Variants in LRP2 observed in about 807,000 individuals in gnomAD.
LRP2 encodes LDL receptor related protein 2, also known as low-density lipoprotein receptor-related protein 2.
In LRP2, 172 loss-of-function variants were observed where a neutral mutation model predicts 531.0. That is an observed-to-expected ratio of 0.32 (90% CI 0.29 to 0.37). The LOEUF is 0.37. LRP2 is among the 10% of genes least tolerant of loss of function. LRP2 has a pLI of 1.00. For missense variants in LRP2, 5,167 were observed against 5,868.3 expected, an observed-to-expected ratio of 0.88 and a Z score of 3.90; for synonymous variants, 1,992 against 2,027.6, an observed-to-expected ratio of 0.98 and a Z score of 0.47.
At chr2:169,158,061 TACACACACACACACACACAC>T (rs61381788) in intron 63 of LRP2, among the ~76,000 whole-genome samples, 1 of 141,392 alleles carries the variant, frequency 7.1e-6, no homozygotes, top group Non-Finnish European at 1.5e-5. Context: ...ATTGATTATA[TACACACACACACACACACAC>T]ACACACACAC....
chr2:169,246,815 C>A lies in LRP2; in HGVS notation c.3080G>T (p.Gly1027Val), dbSNP rs1262078845. Residue 1027 changes from glycine (G) to valine (V), a missense_variant, in exon 21 of 79, where the codon GGC becomes GTC. Physicochemically the swap from Gly to Val is moderately radical, Grantham distance 109. This residue lies in a region of LRP2 where 2,811 missense variants were observed against 3,058.0 expected (regional missense o/e 0.92). Transcript: ENST00000649046. Reference protein sequence around the residue: ...PTNEPPTEQCGLFSFPCKNGR... With the variant: ...PTNEPPTEQCVLFSFPCKNGR... Reference sequence around the variant, plus strand: ...ATTTTTACAGGGGAAGGAAAATAAGCCACACTGCTCTGTGGGTGGTTCATT... The same window carrying A: ...ATTTTTACAGGGGAAGGAAAATAAGACACACTGCTCTGTGGGTGGTTCATT... 4.4e-5 allele frequency: 71 copies of A among 1,614,014 alleles called. No individual in the cohort carries two copies. The highest frequency in any genetic ancestry group is 5.9e-5 in the Non-Finnish European group (70 of 1,180,038).
chr2:169,130,485 A>T (rs1338835744), intron 77 of LRP2, among the ~76,000 whole-genome samples: 2 of 152,068 alleles, frequency 1.3e-5, no homozygotes, highest in Non-Finnish European at 2.9e-5. Flanking sequence ...ATGGGGTTTC[A>T]CTATGTTGGC....
At chr2:169,238,049 A>C (rs773217914) in intron 27 of LRP2, 42 bp downstream of exon 27, 2 of 1,552,736 alleles carry the variant, frequency 1.3e-6, no homozygotes, top group Non-Finnish European at 1.8e-6. Context: ...GACCCAAGAC[A>C]GAGGAACTAG....
In LRP2 at chr2:169,142,561, C is replaced by T. The variant is rs1574067217; in HGVS notation, c.13108+113G>A. On this transcript the variant is annotated intron_variant, in intron 71 of 78. Transcript: ENST00000649046. ...CCTCCCACATCCCTTAACCCTCCTT[C>T]CAGCCATCCCCACTCTGCTGCAAAG... The T allele has an allele frequency of 4.0e-6, 6 of 1,491,346 alleles. No homozygotes were observed. In the East Asian group the frequency reaches 1.2e-4, roughly 29 times the overall value. The allele number at this position is 1,491,346 out of a possible 1,614,324, so 92.4% of individuals were successfully genotyped here.
chr2:169,348,625 A>T (rs1685759654), intron 1 of LRP2, among the ~76,000 whole-genome samples: 1 of 152,136 alleles, frequency 6.6e-6, no homozygotes, highest in African/African-American at 2.4e-5. Flanking sequence ...AAGTCTAAAA[A>T]CTTTGGCTTA....
chr2:169,134,162 T>A (rs1237462306), intron 76 of LRP2, among the ~76,000 whole-genome samples: 1 of 151,880 alleles, frequency 6.6e-6, no homozygotes, highest in African/African-American at 2.4e-5. Flanking sequence ...TTGACCTTAC[T>A]GTTTTAGCCT....
chr2:169,234,651 T>C (rs754107714), intron 29 of LRP2, among the ~76,000 whole-genome samples: 3 of 152,176 alleles, frequency 2.0e-5, no homozygotes, highest in Non-Finnish European at 4.4e-5. Context: ...GTAATGGGAT[T>C]GCTGGGTCAA....
chr2:169,263,597 C>T (rs1298854813), intron 16 of LRP2, among the ~76,000 whole-genome samples: 4 of 148,858 alleles, frequency 2.7e-5, no homozygotes, highest in Admixed American at 2.0e-4. Context: ...CAGGAAACAA[C>T]AGGTGCTGGA....
At chr2:169,231,119 C>G (rs936416480) in intron 31 of LRP2, among the ~76,000 whole-genome samples, 14 of 152,140 alleles carry the variant, frequency 9.2e-5, no homozygotes, top group African/African-American at 3.4e-4. Context: ...CATGGCAAAA[C>G]CCGGTCTCTA....
Position 169,290,669 on chromosome 2 carries a change from A to C in LRP2, c.922+176T>G, listed in dbSNP as rs558089610. On this transcript the variant is annotated intron_variant, in intron 8 of 78. Coordinates refer to ENST00000649046, the MANE Select transcript of LRP2 (RefSeq NM_004525.3). Reference sequence around the variant, plus strand: ...GAGTGAGCTGATACAGGCCAGAGGAACTACCTAGCCAACCCACAGAACTGT... The same window carrying C: ...GAGTGAGCTGATACAGGCCAGAGGACCTACCTAGCCAACCCACAGAACTGT... 4.6e-5 allele frequency among the ~76,000 whole-genome samples: 7 copies of C among 152,300 alleles called. No homozygotes were observed. In the East Asian group the frequency reaches 1.4e-3, roughly 29 times the overall value.
At chr2:169,293,979 G>A (rs1684070549) in intron 6 of LRP2, among the ~76,000 whole-genome samples, 169 bp downstream of exon 6, 1 of 152,048 alleles carries the variant, frequency 6.6e-6, no homozygotes. Context: ...AAAGGCTTGT[G>A]CCAAGACCCC....
intron 48 of LRP2, among the ~76,000 whole-genome samples, chr2:169,189,343 A>C (rs1687751025): frequency 1.3e-5 from 2 of 152,226 alleles, no homozygotes; most frequent in Admixed American, 6.5e-5. Flanking sequence ...CATGATTTAC[A>C]GCAAAATGTG....
intron 9 of LRP2, 45 bp downstream of exon 9, chr2:169,288,981 T>C (rs774760962): frequency 6.2e-7 from 1 of 1,611,858 alleles, no homozygotes. Flanking sequence ...CACCCATCAG[T>C]GTACTGTAAT....
chr2:169,322,001 C>CA (rs1481085738), intron 1 of LRP2, among the ~76,000 whole-genome samples: 1 of 152,192 alleles, frequency 6.6e-6, no homozygotes, highest in African/African-American at 2.4e-5. Flanking sequence ...CAGCCACTAC[C>CA]AGCCCCACTT....
chr2:169,244,031 C>T (rs567858029), intron 22 of LRP2, among the ~76,000 whole-genome samples: 20 of 152,324 alleles, frequency 1.3e-4, no homozygotes, highest in Admixed American at 1.2e-3. Context: ...TGGCTGGCCC[C>T]ACCCACAACA....
Position 169,157,437 on chromosome 2 carries a change from C to T in LRP2, c.11953G>A (p.Gly3985Arg). The T allele has an allele frequency of 6.2e-7, 1 of 1,608,272 alleles. No homozygotes were observed. The highest frequency in any genetic ancestry group is 8.5e-7 in the Non-Finnish European group (1 of 1,175,402). Residue 3985 changes from glycine (G) to arginine (R), a missense_variant, in exon 64 of 79, where the codon GGA becomes AGA. Gly to Arg is a moderately radical substitution (Grantham distance 125). Coordinates refer to ENST00000649046, the MANE Select transcript of LRP2 (RefSeq NM_004525.3). ...GCTGTACAGGAGCAGATAAATCCTC[C>T]TTCATTTAATTGGGTACAATTTTGC... Reference protein sequence around the residue: ...CEQNCTQLNEGGFICSCTAGF... With the variant: ...CEQNCTQLNERGFICSCTAGF...
intron 3 of LRP2, among the ~76,000 whole-genome samples, chr2:169,310,459 C>A: frequency 6.6e-6 from 1 of 152,158 alleles, no homozygotes; most frequent in East Asian, 1.9e-4. Flanking sequence ...TTGAGATAAT[C>A]ATGTGGTTTT....
chr2:169,247,818 G>T (rs767504466), intron 19 of LRP2, among the ~76,000 whole-genome samples: 1 of 152,096 alleles, frequency 6.6e-6, no homozygotes, highest in Non-Finnish European at 1.5e-5. Flanking sequence ...TAAGAATTGG[G>T]GAATTCTTCT....
At position 169,186,113 on chromosome 2, in the gene LRP2, ATTC is replaced by A. The variant is rs1356106266; in HGVS notation, c.9329-97_9329-95del. The A allele has an allele frequency of 4.8e-5, 51 of 1,064,728 alleles. 1 individual carries two copies. In the Admixed American group the frequency reaches 7.7e-4, roughly 16 times the overall value. 66.0% of individuals were successfully genotyped at this position (1,064,728 alleles called of 1,614,324 possible). A position where few individuals can be genotyped will look rare whatever the true frequency, so the allele number is the denominator to read the frequency against. ...TCAACATTTCTACTAAACAGTGCCA[ATTC>A]TTAATGAATCATGCTAAGACAGACA... On this transcript the variant is annotated intron_variant, in intron 49 of 78. Transcript: ENST00000649046.
Sources: gnomAD v4.1 joint callset for allele counts (sites outside exome capture counted in the v4.1 genomes callset) on GRCh38, gnomAD v4.1.1 for gene constraint, gnomAD v4.1.1 regional missense constraint, MANE v1.5 for transcripts, NCBI Gene and HGNC (gene_info 2026-07-23, HGNC 2026-07-21) for gene names.